CNTNAP5: variants seen among roughly 807,000 people sequenced by gnomAD.
CNTNAP5 encodes the protein contactin-associated protein-like 5.
In CNTNAP5, 72 loss-of-function variants were observed where a neutral mutation model predicts 150.2. The observed-to-expected ratio is 0.48, with a 90% confidence interval of 0.40 to 0.58. The LOEUF (loss-of-function observed/expected upper bound fraction) is 0.58, where lower values mean the gene tolerates loss of function less well. CNTNAP5 is among the 20% of genes least tolerant of loss of function. The pLI is 0.00. For synonymous variants in CNTNAP5, 672 were observed against 619.8 expected (o/e 1.08, Z -1.25); for missense variants, 1,636 against 1,626.2 (o/e 1.01, Z -0.10).
At chr2:124,834,621 G>A (rs62173261) in intron 19 of CNTNAP5, among the ~76,000 whole-genome samples, 7,568 of 152,124 alleles carry the variant, frequency 0.05, 548 homozygotes, top group African/African-American at 0.16. Flanking sequence ...TAACAGGACA[G>A]TGAGCTCTTT....
intron 4 of CNTNAP5, among the ~76,000 whole-genome samples, chr2:124,419,418 C>G (rs1692024761): frequency 6.6e-6 from 1 of 152,120 alleles, no homozygotes; most frequent in African/African-American, 2.4e-5. Flanking sequence ...TTAGCATCTT[C>G]TGGTGATGAA....
At chr2:124,105,546 AC>A (rs1683154977) in intron 1 of CNTNAP5, among the ~76,000 whole-genome samples, 3 of 152,330 alleles carry the variant, frequency 2.0e-5, no homozygotes, top group Admixed American at 6.5e-5. Flanking sequence ...TTAATAAAAA[AC>A]AATATCTTGG....
At chr2:124,743,911 C>T (rs1036096715) in intron 13 of CNTNAP5, among the ~76,000 whole-genome samples, 8 of 152,162 alleles carry the variant, frequency 5.3e-5, no homozygotes, top group Non-Finnish European at 1.2e-4. Context: ...TTTACTTTGT[C>T]TGCAATGAGC....
rs540564619 is a variant in CNTNAP5, at chr2:124,644,844, T to C, written c.1877-2914T>C. Among the ~76,000 whole-genome samples, 27 of 152,306 alleles carry C rather than the reference T, an allele frequency of 1.8e-4. No individual in the cohort carries two copies. The South Asian group carries it at 5.0e-3, about 28-fold the overall frequency. On this transcript the variant is annotated intron_variant, in intron 12 of 23. Coordinates refer to ENST00000682447, the MANE Select transcript of CNTNAP5 (RefSeq NM_001367498.1). ...AAGCAATCATTTCTCCTGTCCCTCGTACAGTGTTTGAAGCTAAGGGTTGTG... is the reference window on the plus strand; with the variant it reads ...AAGCAATCATTTCTCCTGTCCCTCGCACAGTGTTTGAAGCTAAGGGTTGTG...
chr2:124,166,263 A>G (rs1240043675), intron 1 of CNTNAP5, among the ~76,000 whole-genome samples: 2 of 152,162 alleles, frequency 1.3e-5, no homozygotes, highest in Admixed American at 1.3e-4. Context: ...TGTTTTGTTT[A>G]AAACGAATGG....
chr2:124,887,940 GTTTC>G lies in CNTNAP5; in HGVS notation c.3437-14938_3437-14935del, dbSNP rs138078132. ...CAATGATTTTTTTTAAAGAAGATTG[GTTTC>G]TTTTTCTTTTTTAATAATTTTAACT... On this transcript the variant is annotated intron_variant, in intron 21 of 23. Transcript: ENST00000682447. 7.8e-3 allele frequency among the ~76,000 whole-genome samples: 1,186 copies of G among 152,024 alleles called. 19 individuals carry two copies. Among genetic ancestry groups the G allele is most frequent in the African/African-American group, 0.027 (1,140 of 41,478 alleles).
At chr2:124,584,941 G>A (rs1317640096) in intron 11 of CNTNAP5, among the ~76,000 whole-genome samples, 1 of 152,202 alleles carries the variant, frequency 6.6e-6, no homozygotes, top group Non-Finnish European at 1.5e-5. Flanking sequence ...CTTACTAATG[G>A]GGGTGGCTTT....
At chr2:124,515,324 C>T (rs1377500997) in intron 8 of CNTNAP5, among the ~76,000 whole-genome samples, 2 of 152,132 alleles carry the variant, frequency 1.3e-5, no homozygotes, top group Non-Finnish European at 2.9e-5. Context: ...ACTCTGACCC[C>T]CAGGTACCTG....
At chr2:124,127,425 G>C (rs1683733675) in intron 1 of CNTNAP5, among the ~76,000 whole-genome samples, 1 of 152,110 alleles carries the variant, frequency 6.6e-6, no homozygotes, top group Non-Finnish European at 1.5e-5. Flanking sequence ...CAAACAAATG[G>C]AAGAACATTC....
At chr2:124,663,763 T>C (rs1678641425) in intron 13 of CNTNAP5, among the ~76,000 whole-genome samples, 1 of 152,150 alleles carries the variant, frequency 6.6e-6, no homozygotes, top group Non-Finnish European at 1.5e-5. Context: ...CCAAGGGCCA[T>C]ACATTATGAT....
chr2:124,245,784 C>A (rs1359961177), intron 3 of CNTNAP5, among the ~76,000 whole-genome samples: 1 of 151,834 alleles, frequency 6.6e-6, no homozygotes, highest in Non-Finnish European at 1.5e-5. Context: ...GGCTGGAGTG[C>A]GGTGGCACTT....
chr2:124,851,264 G>A (rs1200372254), intron 19 of CNTNAP5, among the ~76,000 whole-genome samples: 4 of 152,166 alleles, frequency 2.6e-5, no homozygotes, highest in African/African-American at 4.8e-5. Context: ...GCTGAGGCAG[G>A]AGAATAGCTT....
intron 7 of CNTNAP5, among the ~76,000 whole-genome samples, chr2:124,478,763 T>A (rs1469809286): frequency 6.6e-6 from 1 of 152,188 alleles, no homozygotes; most frequent in Non-Finnish European, 1.5e-5. Flanking sequence ...CCTTTTCTAG[T>A]GTTCGCAGAC....
At chr2:124,733,887 C>G (rs1036667131) in intron 13 of CNTNAP5, among the ~76,000 whole-genome samples, 16 of 152,062 alleles carry the variant, frequency 1.1e-4, no homozygotes, top group Admixed American at 2.0e-4. Context: ...GTTAATACGA[C>G]ATGCACAGGC....
chr2:124,625,875 T>G (rs1677710691), intron 12 of CNTNAP5, among the ~76,000 whole-genome samples: 1 of 152,184 alleles, frequency 6.6e-6, no homozygotes, highest in Admixed American at 6.5e-5. Context: ...AGCTAGGCCA[T>G]TTTATTTATT....
At chr2:124,699,643 C>T (rs1679477299) in intron 13 of CNTNAP5, among the ~76,000 whole-genome samples, 1 of 152,142 alleles carries the variant, frequency 6.6e-6, no homozygotes, top group African/African-American at 2.4e-5. Flanking sequence ...AAAGCACATT[C>T]ACCATGAATG....
chr2:124,317,533 T>C lies in CNTNAP5; in HGVS notation c.381+75140T>C, dbSNP rs542985651. 8.5e-5 allele frequency among the ~76,000 whole-genome samples: 13 copies of C among 152,264 alleles called. No homozygotes were observed. The South Asian group carries it at 2.7e-3, about 32-fold the overall frequency. ...TTAATGGAGCCATCTACATTATCTT[T>C]CTCAAAGGGCATTTAGAACATCAAA... On this transcript the variant is annotated intron_variant, in intron 3 of 23. Coordinates refer to ENST00000682447, the MANE Select transcript of CNTNAP5 (RefSeq NM_001367498.1).
At chr2:124,571,330 G>C (rs1263928506) in intron 11 of CNTNAP5, among the ~76,000 whole-genome samples, 1 of 152,072 alleles carries the variant, frequency 6.6e-6, no homozygotes, top group African/African-American at 2.4e-5. Flanking sequence ...GGTAGGCCAA[G>C]TGTGGGACCT....
chr2:124,506,654 G>GA lies in CNTNAP5; in HGVS notation c.1327+2099dup, dbSNP rs552289217. On this transcript the variant is annotated intron_variant, in intron 8 of 23. Coordinates refer to ENST00000682447, the MANE Select transcript of CNTNAP5 (RefSeq NM_001367498.1). The stretch of plus-strand genomic sequence containing the variant: ...TTCTCCTTCCTTTCCTGTGGCCCTG[G>GA]ATAAACTTTGTCTCATATGCAAACT... Among the ~76,000 whole-genome samples, 5 of 152,254 alleles carry GA rather than the reference G, an allele frequency of 3.3e-5. No individual in the cohort carries two copies. The South Asian group carries it at 1.0e-3, about 32-fold the overall frequency.
Sources: allele counts gnomAD v4.1 joint callset (sites outside exome capture counted in the v4.1 genomes callset), GRCh38; gene constraint gnomAD v4.1.1; transcripts MANE v1.5; gene names NCBI Gene and HGNC (gene_info 2026-07-23, HGNC 2026-07-21).